Variants in GRID2 observed in about 807,000 individuals in gnomAD.
GRID2 encodes the protein glutamate ionotropic receptor delta type subunit 2.
Under a neutral mutation model 114.8 loss-of-function variants are expected in GRID2, and 33 were observed. The observed-to-expected ratio is 0.29, with a 90% CI of 0.22 to 0.38. The LOEUF is 0.38. Ranked by LOEUF, GRID2 falls within the 10% of genes least tolerant of loss-of-function variation. The pLI is 1.00. For missense variants in GRID2, 1,184 were observed against 1,257.7 expected (o/e 0.94, Z 0.89); for synonymous variants, 505 against 449.9 (o/e 1.12, Z -1.55).
At chr4:93,608,115 CAT>C (rs1239095283) in intron 13 of GRID2, among the ~76,000 whole-genome samples, 2 of 141,064 alleles carry the variant, frequency 1.4e-5, no homozygotes, top group African/African-American at 5.4e-5. Context: ...TACACACACA[CAT>C]ATATGTGTAT....
At chr4:92,442,170 G>A (rs1314146694) in intron 1 of GRID2, among the ~76,000 whole-genome samples, 1 of 144,424 alleles carries the variant, frequency 6.9e-6, no homozygotes, top group Admixed American at 6.9e-5. Context: ...AGAGTTACCT[G>A]AAGCTTGGCG....
At chr4:93,399,256 C>T (rs1765655862) in intron 9 of GRID2, among the ~76,000 whole-genome samples, 1 of 152,054 alleles carries the variant, frequency 6.6e-6, no homozygotes. Flanking sequence ...CTTAGCTCTA[C>T]CCACTCCCTC....
At chr4:93,078,208 C>T (rs1192703005) in intron 2 of GRID2, among the ~76,000 whole-genome samples, 4 of 152,070 alleles carry the variant, frequency 2.6e-5, no homozygotes, top group Non-Finnish European at 5.9e-5. Context: ...TACTCTTTTT[C>T]GTCAAGGTAA....
intron 3 of GRID2, among the ~76,000 whole-genome samples, chr4:93,092,245 G>A (rs1054372073): frequency 7.2e-5 from 11 of 152,060 alleles, no homozygotes; most frequent in Admixed American, 7.2e-4. Flanking sequence ...ACATTTGTCA[G>A]GCTGAAAATG....
chr4:93,278,882 G>T (rs1036332391), intron 8 of GRID2, among the ~76,000 whole-genome samples: 21 of 151,770 alleles, frequency 1.4e-4, no homozygotes, highest in Admixed American at 1.3e-3. Context: ...TATTAAAATT[G>T]CAAATCAAAA....
chr4:92,353,300 T>G (rs993207323), intron 1 of GRID2, among the ~76,000 whole-genome samples: 5 of 151,942 alleles, frequency 3.3e-5, no homozygotes, highest in Non-Finnish European at 7.4e-5. Context: ...TGTTTTAAAG[T>G]CTTTGTCTAG....
At chr4:92,431,461 G>A (rs1317194628) in intron 1 of GRID2, among the ~76,000 whole-genome samples, 2 of 151,900 alleles carry the variant, frequency 1.3e-5, no homozygotes, top group Non-Finnish European at 2.9e-5. Flanking sequence ...ATTTGGTCAT[G>A]ATAAATGATT....
chr4:92,338,769 A>T (rs1727322491), intron 1 of GRID2, among the ~76,000 whole-genome samples: 1 of 152,154 alleles, frequency 6.6e-6, no homozygotes, highest in Non-Finnish European at 1.5e-5. Context: ...TTTTGTGTAC[A>T]CGTAGAAAAT....
intron 13 of GRID2, among the ~76,000 whole-genome samples, chr4:93,532,443 T>G (rs140375598): frequency 1.3e-5 from 2 of 152,320 alleles, no homozygotes; most frequent in African/African-American, 4.8e-5. Flanking sequence ...CTCAGCAGTA[T>G]GTAAATGTGA....
chr4:92,897,334 C>T (rs1023130453), intron 2 of GRID2, among the ~76,000 whole-genome samples: 1 of 152,090 alleles, frequency 6.6e-6, no homozygotes, highest in African/African-American at 2.4e-5. Flanking sequence ...TAATACTATT[C>T]AGATTTTAAG....
intron 2 of GRID2, among the ~76,000 whole-genome samples, chr4:92,704,881 T>C (rs1308531760): frequency 6.6e-6 from 1 of 150,844 alleles, no homozygotes; most frequent in Non-Finnish European, 1.5e-5. Flanking sequence ...AAATGACAAG[T>C]GGCTATTAGA....
At chr4:92,435,660 T>C (rs991601586) in intron 1 of GRID2, among the ~76,000 whole-genome samples, 9 of 152,186 alleles carry the variant, frequency 5.9e-5, no homozygotes, top group Admixed American at 4.6e-4. Flanking sequence ...TTCCGAGCTT[T>C]CATATAAAAT....
chr4:92,869,307 G>C (rs1745107871), intron 2 of GRID2, among the ~76,000 whole-genome samples: 1 of 152,128 alleles, frequency 6.6e-6, no homozygotes, highest in Non-Finnish European at 1.5e-5. Flanking sequence ...GAAATGGATA[G>C]GTACTCAATA....
intron 2 of GRID2, among the ~76,000 whole-genome samples, chr4:92,733,641 A>C (rs1736439690): frequency 6.6e-6 from 1 of 152,146 alleles, no homozygotes; most frequent in Non-Finnish European, 1.5e-5. Flanking sequence ...TCTGTTTGGC[A>C]TCTGTTCCTC....
chr4:92,966,323 G>C (rs949837605), intron 2 of GRID2, among the ~76,000 whole-genome samples: 7 of 151,836 alleles, frequency 4.6e-5, no homozygotes, highest in African/African-American at 1.7e-4. Context: ...TTCATGTGAG[G>C]GGTCGACCCT....
intron 2 of GRID2, among the ~76,000 whole-genome samples, chr4:92,900,585 CT>C (rs1747491897): frequency 6.6e-6 from 1 of 152,156 alleles, no homozygotes; most frequent in East Asian, 1.9e-4. Context: ...AATCCCAGCA[CT>C]TTGGGAGGCC....
chr4:92,353,786 T>C (rs1211271749), intron 1 of GRID2, among the ~76,000 whole-genome samples: 1 of 152,038 alleles, frequency 6.6e-6, no homozygotes, highest in East Asian at 1.9e-4. Context: ...TCTTGTTTTG[T>C]CATTTCTCAA....
chr4:93,053,875 G>T (rs541764446), intron 2 of GRID2, among the ~76,000 whole-genome samples: 1 of 151,968 alleles, frequency 6.6e-6, no homozygotes, highest in South Asian at 2.1e-4. Flanking sequence ...TTAACAATAT[G>T]TTATATTCCT....
At chr4:92,669,032 G>C (rs1051082245) in intron 2 of GRID2, among the ~76,000 whole-genome samples, 1 of 151,686 alleles carries the variant, frequency 6.6e-6, no homozygotes, top group African/African-American at 2.4e-5. Context: ...TCACTCTTGC[G>C]ATGTCATTTA....
Sources: allele counts gnomAD v4.1 joint callset (sites outside exome capture counted in the v4.1 genomes callset), GRCh38; gene constraint gnomAD v4.1.1; transcripts MANE v1.5; gene names NCBI Gene and HGNC (gene_info 2026-07-23, HGNC 2026-07-21).